The following FSBP variants were observed in gnomAD, a reference collection of about 807,000 sequenced individuals.
FSBP encodes fibrinogen silencer binding protein.
In FSBP, 18 loss-of-function variants were observed where a neutral mutation model predicts 24.6. The ratio of observed to expected loss-of-function variants is 0.73; its 90% confidence interval spans 0.51 to 1.08. The LOEUF (loss-of-function observed/expected upper bound fraction) is 1.08. FSBP is among the 50% of genes least tolerant of loss of function. FSBP has a pLI of 0.00. For synonymous variants in FSBP, 110 were observed against 125.8 expected (o/e 0.87, Z 0.84); for missense variants, 305 against 347.6 (o/e 0.88, Z 0.98).
intron 1 of FSBP, among the ~76,000 whole-genome samples, chr8:94,435,974 T>A (rs982137733): frequency 1.3e-5 from 2 of 152,152 alleles, no homozygotes; most frequent in African/African-American, 2.4e-5. Flanking sequence ...ATATACACAA[T>A]CATGCCATTA....
Position 94,436,537 on chromosome 8 carries a change from A to G in FSBP, c.332T>C (p.Ile111Thr). The G allele has an allele frequency of 6.5e-7, 1 of 1,550,138 alleles. No homozygotes were observed. The highest frequency in any genetic ancestry group is 8.7e-7 in the Non-Finnish European group (1 of 1,146,780). The change falls in exon 1 of 2, where the codon ATT becomes ACT. Residue 111 changes from isoleucine (I) to threonine (T), a missense_variant. Physicochemically the swap from Ile to Thr is moderately conservative, Grantham distance 89 (BLOSUM62 -1). Transcript: ENST00000481490. ...GTCTCTTACCAGGCAAAAACTGGAA[A>G]TCTGGGGAATCATCTCCATAACTTT... Reference protein sequence around the residue: ...TKKVMEMIPQISSFCLVRDRN... With the variant: ...TKKVMEMIPQTSSFCLVRDRN...
chr8:94,434,264 A>T (rs1465831085), intron 1 of FSBP, among the ~76,000 whole-genome samples: 1 of 151,914 alleles, frequency 6.6e-6, no homozygotes, highest in Non-Finnish European at 1.5e-5. Flanking sequence ...CTACCAAGTA[A>T]ATTAAAAATA....
chr8:94,434,517 G>T (rs1002055861), intron 1 of FSBP, among the ~76,000 whole-genome samples: 5 of 151,660 alleles, frequency 3.3e-5, no homozygotes, highest in Non-Finnish European at 5.9e-5. Flanking sequence ...TACAAAACAG[G>T]TATATATTTT....
At position 94,428,014 on chromosome 8, in the gene FSBP, T is replaced by C; in HGVS notation, c.*4117A>G. The stretch of plus-strand genomic sequence containing the variant: ...CTTGACTATTTTAAGAAATCTGGTA[T>C]TCGTTAGAAATGAGTTTCACTGACT... On this transcript the variant is annotated 3_prime_UTR_variant, in exon 2 of 2. Transcript: ENST00000481490. 1.1e-6 allele frequency: 1 copy of C among 931,726 alleles called. No homozygotes were observed. The highest frequency in any genetic ancestry group is 1.3e-6 in the Non-Finnish European group (1 of 781,224). 57.7% of individuals were successfully genotyped at this position (931,726 alleles called of 1,614,324 possible). A position where few individuals can be genotyped will look rare whatever the true frequency, so the allele number is the denominator to read the frequency against.
At position 94,428,622 on chromosome 8, in the gene FSBP, A is replaced by G; in HGVS notation, c.*3509T>C. On this transcript the variant is annotated 3_prime_UTR_variant, in exon 2 of 2. Coordinates refer to ENST00000481490, the MANE Select transcript of FSBP (RefSeq NM_001256141.2). ...TACCTCAGTTATACCGTCTTTTTAA[A>G]TTTCGTATTACTTTTTATTGTTGTA... The G allele has an allele frequency of 1.5e-6, 1 of 654,644 alleles. No homozygotes were observed. Among genetic ancestry groups the G allele is most frequent in the Non-Finnish European group, 1.9e-6 (1 of 528,214 alleles). 40.6% of individuals were successfully genotyped at this position (654,644 alleles called of 1,614,324 possible).
At chr8:94,436,409 C>T in intron 1 of FSBP, 86 bp downstream of exon 1, 1 of 1,398,382 alleles carries the variant, frequency 7.2e-7, no homozygotes, top group Non-Finnish European at 9.4e-7. Flanking sequence ...GGGATGCTTA[C>T]TATGCATATC....
intron 1 of FSBP, among the ~76,000 whole-genome samples, chr8:94,436,196 A>AAGGGT (rs1381929516): frequency 6.6e-6 from 1 of 152,170 alleles, no homozygotes; most frequent in Non-Finnish European, 1.5e-5. Context: ...TTTAATTTTA[A>AAGGGT]AGCTTAAGAA....
chr8:94,433,172 A>C (rs1056657884), intron 1 of FSBP, among the ~76,000 whole-genome samples: 1 of 152,168 alleles, frequency 6.6e-6, no homozygotes, highest in Non-Finnish European at 1.5e-5. Context: ...ATTTGCCCAA[A>C]AAATAAAACA....
At position 94,436,835 on chromosome 8, in the gene FSBP, A is replaced by C. The variant is rs1011068990; in HGVS notation, c.34T>G (p.Leu12Val). 5.8e-6 allele frequency: 9 copies of C among 1,541,678 alleles called. No individual in the cohort carries two copies. In the South Asian group the frequency reaches 7.3e-5, roughly 12 times the overall value. ...TTTAGCAAATCAAGCTTTTCGGATAAGGTAAAATTGGAAGATCTAGCCTTT... is the reference window on the plus strand; with the variant it reads ...TTTAGCAAATCAAGCTTTTCGGATACGGTAAAATTGGAAGATCTAGCCTTT... ...VGKARSSNFT[L>V]SEKLDLLKLV... The change falls in exon 1 of 2, where the codon TTA becomes GTA. Residue 12 changes from leucine to valine, a missense_variant. Physicochemically the swap from Leu to Val is conservative, Grantham distance 32. Transcript: ENST00000481490.
chr8:94,430,830 A>T lies in FSBP; in HGVS notation c.*1301T>A. ...GCTGGAGCTAAACAGCAGCTACCCT[A>T]CCTAGTCCAGGGAGATGTCCTTCCT... is the stretch of plus-strand genomic sequence containing the variant. On this transcript the variant is annotated 3_prime_UTR_variant, in exon 2 of 2. Transcript: ENST00000481490. 1.0e-6 allele frequency: 1 copy of T among 985,432 alleles called. No homozygotes were observed. Among genetic ancestry groups the T allele is most frequent in the Non-Finnish European group, 1.2e-6 (1 of 829,930 alleles). 61.0% of individuals were successfully genotyped at this position (985,432 alleles called of 1,614,324 possible).
Position 94,431,848 on chromosome 8 carries a change from C to T in FSBP, c.*283G>A, listed in dbSNP as rs903604065. On this transcript the variant is annotated 3_prime_UTR_variant, in exon 2 of 2. Coordinates refer to ENST00000481490, the MANE Select transcript of FSBP (RefSeq NM_001256141.2). The stretch of plus-strand genomic sequence containing the variant: ...TTGAAAGAATATGTGTTTGTATATG[C>T]ATTTGTGTATATCTTAGTGATCAGA... The T allele has an allele frequency of 9.3e-7, 1 of 1,072,724 alleles. No homozygotes were observed. The highest frequency in any genetic ancestry group is 1.1e-6 in the Non-Finnish European group (1 of 880,708). 66.5% of individuals were successfully genotyped at this position (1,072,724 alleles called of 1,614,324 possible).
In FSBP at chr8:94,430,710, A is replaced by G; in HGVS notation, c.*1421T>C. The G allele has an allele frequency of 1.1e-6, 1 of 927,838 alleles. No individual in the cohort carries two copies. Among genetic ancestry groups the G allele is most frequent in the Non-Finnish European group, 1.3e-6 (1 of 777,720 alleles). The allele number at this position is 927,838 out of a possible 1,614,324, so 57.5% of individuals were successfully genotyped here. Reference sequence around the variant, plus strand: ...TCACATGTTGTCTGTATAATGTTTTAAAAGCATTTTGTGTTATTTGCAAAC... The same window carrying G: ...TCACATGTTGTCTGTATAATGTTTTGAAAGCATTTTGTGTTATTTGCAAAC... On this transcript the variant is annotated 3_prime_UTR_variant, in exon 2 of 2. Coordinates refer to ENST00000481490, the MANE Select transcript of FSBP (RefSeq NM_001256141.2).
In FSBP at chr8:94,431,498, C is replaced by T. The variant is rs998798505; in HGVS notation, c.*633G>A. The T allele has an allele frequency of 1.6e-5, 16 of 981,112 alleles. No homozygotes were observed. The highest frequency in any genetic ancestry group is 7.0e-5 in the African/African-American group (4 of 57,058). 60.8% of individuals were successfully genotyped at this position (981,112 alleles called of 1,614,324 possible). A position where few individuals can be genotyped will look rare whatever the true frequency, so the allele number is the denominator to read the frequency against. On this transcript the variant is annotated 3_prime_UTR_variant, in exon 2 of 2. Coordinates refer to ENST00000481490, the MANE Select transcript of FSBP (RefSeq NM_001256141.2). ...GTGGATATTTACTTCTATCGAATAG[C>T]GGGATGGAAATTACACAAAGAAAAA...
intron 1 of FSBP, among the ~76,000 whole-genome samples, chr8:94,433,686 T>A (rs1429404292): frequency 6.6e-6 from 1 of 151,916 alleles, no homozygotes; most frequent in Non-Finnish European, 1.5e-5. Context: ...ATTAAGAATA[T>A]CTGCTCCTTG....
intron 1 of FSBP, 68 bp downstream of exon 1, chr8:94,436,427 C>G (rs184366330): frequency 6.9e-7 from 1 of 1,454,738 alleles, no homozygotes; most frequent in Non-Finnish European, 9.0e-7. Context: ...ATCTCTATCA[C>G]GACTAAGCCA....
At chr8:94,435,052 C>G (rs1229419315) in intron 1 of FSBP, among the ~76,000 whole-genome samples, 1 of 152,014 alleles carries the variant, frequency 6.6e-6, no homozygotes, top group South Asian at 2.1e-4. Flanking sequence ...TTATAAAAAC[C>G]TATACCTACT....
At chr8:94,435,543 C>T (rs1812231687) in intron 1 of FSBP, among the ~76,000 whole-genome samples, 1 of 151,992 alleles carries the variant, frequency 6.6e-6, no homozygotes, top group African/African-American at 2.4e-5. Flanking sequence ...AAGGAGTTTA[C>T]AATTTGTTTA....
rs866957002 is a variant in FSBP at position 94,436,598 on chromosome 8, A to G, written c.271T>C (p.Ser91Pro). 9.0e-6 allele frequency: 14 copies of G among 1,550,332 alleles called. No homozygotes were observed. The African/African-American group carries it at 1.9e-4, about 21-fold the overall frequency. ...QELLQQKETQ[S>P]DFKSNISEPT... ...TCAGAAATATTGCTTTTAAAATCTG[A>G]TTGGGTCTCTTTTTGCTGCAATAGC... The change falls in exon 1 of 2, where the codon TCA becomes CCA. Residue 91 changes from serine (S) to proline (P), a missense_variant. Ser to Pro is a moderately conservative substitution (Grantham distance 74). Transcript: ENST00000481490.
rs569975111 is a variant in FSBP at position 94,429,193 on chromosome 8, T to C, written c.*2938A>G. 6.1e-6 allele frequency: 5 copies of C among 816,642 alleles called. No individual in the cohort carries two copies. Among genetic ancestry groups the C allele is most frequent in the Non-Finnish European group, 7.4e-6 (5 of 676,402 alleles). 50.6% of individuals were successfully genotyped at this position (816,642 alleles called of 1,614,324 possible). A position where few individuals can be genotyped will look rare whatever the true frequency, so the allele number is the denominator to read the frequency against. On this transcript the variant is annotated 3_prime_UTR_variant, in exon 2 of 2. Transcript: ENST00000481490. The stretch of plus-strand genomic sequence containing the variant: ...ATTGTATACAGCCCCTAAATGCTAA[T>C]GAATTGTGTCACCTAACACACTAAA...
Sources: allele counts gnomAD v4.1 joint callset (sites outside exome capture counted in the v4.1 genomes callset), GRCh38; gene constraint gnomAD v4.1.1; transcripts MANE v1.5; gene names NCBI Gene and HGNC (gene_info 2026-07-23, HGNC 2026-07-21).